Variants in TNFRSF11A observed in about 807,000 individuals in gnomAD.
TNFRSF11A encodes the protein tumor necrosis factor receptor superfamily member 11A.
TNFRSF11A carries 32 observed loss-of-function variants against 55.7 expected under a neutral mutation model. That is an observed-to-expected ratio of 0.57 (90% CI 0.43 to 0.77). The LOEUF (loss-of-function observed/expected upper bound fraction) is 0.77. Among genes scored for constraint, TNFRSF11A ranks in the 30% least tolerant of loss-of-function variants. The pLI is 0.00. For missense variants in TNFRSF11A, 753 were observed against 809.8 expected (o/e 0.93, Z 0.85); for synonymous variants, 311 against 331.0 (o/e 0.94, Z 0.65).
chr18:62,356,877 C>A (rs760270483), intron 4 of TNFRSF11A, among the ~76,000 whole-genome samples: 16 of 152,292 alleles, frequency 1.1e-4, no homozygotes, highest in Admixed American at 2.0e-4. Context: ...TCTGGCAGGT[C>A]AGTGTTACTA....
intron 1 of TNFRSF11A, among the ~76,000 whole-genome samples, chr18:62,347,505 C>T (rs898535185): frequency 3.3e-5 from 5 of 152,200 alleles, no homozygotes; most frequent in African/African-American, 4.8e-5. Context: ...GCTGAGGAAG[C>T]TTAAACAGCT....
Position 62,325,827 on chromosome 18 carries a change from T to C in TNFRSF11A, c.75+400T>C, listed in dbSNP as rs900725365. Among the ~76,000 whole-genome samples, 15 of 152,188 alleles carry C rather than the reference T, an allele frequency of 9.9e-5. No homozygotes were observed. The highest frequency in any genetic ancestry group is 2.1e-4 in the Non-Finnish European group (14 of 68,018). On this transcript the variant is annotated intron_variant, in intron 1 of 9. Coordinates refer to ENST00000586569, the MANE Select transcript of TNFRSF11A (RefSeq NM_003839.4). The surrounding 1 kb of genome is among the most constrained non-coding windows in gnomAD (Gnocchi z 4.7). ...CGGCAGATAACCGTTCCCGATACGA[T>C]TTCTCCCGGGTGGCCTCCGTCCCAA... is the stretch of plus-strand genomic sequence containing the variant.
chr18:62,368,685 G>C lies in TNFRSF11A; in HGVS notation c.784-16G>C, dbSNP rs555319249. On this transcript the variant is annotated splice_polypyrimidine_tract_variant and intron_variant, in intron 8 of 9. Coordinates refer to ENST00000586569, the MANE Select transcript of TNFRSF11A (RefSeq NM_003839.4). The stretch of plus-strand genomic sequence containing the variant: ...CTAGGTATTAATGCCTCTGCCTTCT[G>C]AATGTAAATCGGCAGGAGTCCTCAG... 147 of 1,614,174 alleles carry C rather than the reference G, an allele frequency of 9.1e-5. 3 individuals carry two copies. The South Asian group carries it at 1.6e-3, about 17-fold the overall frequency.
At chr18:62,366,879 C>T (rs1291139531) in intron 8 of TNFRSF11A, 119 bp downstream of exon 8, 13 of 1,044,346 alleles carry the variant, frequency 1.2e-5, no homozygotes, top group Admixed American at 7.3e-5. Context: ...GACGGAGTCT[C>T]GCTCTGTGCC....
chr18:62,370,314 C>A (rs1261828802), intron 9 of TNFRSF11A, among the ~76,000 whole-genome samples: 9 of 152,198 alleles, frequency 5.9e-5, no homozygotes, highest in Non-Finnish European at 1.3e-4. Context: ...CTTTGAGAAT[C>A]TTCCGAAAGC....
At chr18:62,384,718 C>T in intron 9 of TNFRSF11A, 33 bp from the exon 10 acceptor site, 2 of 1,606,788 alleles carry the variant, frequency 1.2e-6, no homozygotes, top group East Asian at 4.5e-5. Flanking sequence ...CGCTGACTCA[C>T]CCTCCCCGTG....
In TNFRSF11A at chr18:62,389,801, C is replaced by T. The variant is rs747706698; in HGVS notation, c.*4767C>T. ...AATTACAGGCCTGTTACCAGATCTT[C>T]GTACTAACCAAGGAGCTGGTGACAC... is the stretch of plus-strand genomic sequence containing the variant. On this transcript the variant is annotated 3_prime_UTR_variant, in exon 10 of 10. Transcript: ENST00000586569. The T allele has an allele frequency of 1.3e-5, 2 of 152,210 alleles. No individual in the cohort carries two copies. Among genetic ancestry groups the T allele is most frequent in the Non-Finnish European group, 2.9e-5 (2 of 68,048 alleles). The allele number at this position is 152,210 out of a possible 1,614,324, so 9.4% of individuals were successfully genotyped here. A position where few individuals can be genotyped will look rare whatever the true frequency, so the allele number is the denominator to read the frequency against.
Position 62,387,073 on chromosome 18 carries a change from A to G in TNFRSF11A, c.*2039A>G, listed in dbSNP as rs1911784289. ...TGCTTTTATTTTTTCCTTCTATAAAAAGGCAATAATGATAATTTATAATAG... is the reference window on the plus strand; with the variant it reads ...TGCTTTTATTTTTTCCTTCTATAAAGAGGCAATAATGATAATTTATAATAG... On this transcript the variant is annotated 3_prime_UTR_variant, in exon 10 of 10. Coordinates refer to ENST00000586569, the MANE Select transcript of TNFRSF11A (RefSeq NM_003839.4). The G allele has an allele frequency of 2.6e-5, 4 of 152,218 alleles. No homozygotes were observed. Among genetic ancestry groups the G allele is most frequent in the Admixed American group, 2.6e-4 (4 of 15,282 alleles). The allele number at this position is 152,218 out of a possible 1,614,324, so 9.4% of individuals were successfully genotyped here. A position where few individuals can be genotyped will look rare whatever the true frequency, so the allele number is the denominator to read the frequency against.
rs1015649310 is a variant in TNFRSF11A, at chr18:62,383,324, G to T, written c.1568-1427G>T. On this transcript the variant is annotated intron_variant, in intron 9 of 9. Transcript: ENST00000586569. The surrounding 1 kb of genome is among the most constrained non-coding windows in gnomAD (Gnocchi z 4.2). ...AGGTTACCCAGTGGGTCAGGGGAAG[G>T]CTCCTCAAAGGAATTTCCTACATGC... 3.5e-4 allele frequency among the ~76,000 whole-genome samples: 53 copies of T among 152,188 alleles called. No homozygotes were observed. Among genetic ancestry groups the T allele is most frequent in the African/African-American group, 1.3e-3 (52 of 41,434 alleles).
At chr18:62,329,001 G>T (rs2046113126) in intron 1 of TNFRSF11A, among the ~76,000 whole-genome samples, 1 of 152,202 alleles carries the variant, frequency 6.6e-6, no homozygotes, top group South Asian at 2.1e-4. Context: ...ATGAAAAGGG[G>T]AGTTCCAAAG....
At chr18:62,362,159 C>CCTA (rs1375763039) in intron 7 of TNFRSF11A, among the ~76,000 whole-genome samples, 12 of 151,882 alleles carry the variant, frequency 7.9e-5, no homozygotes, top group African/African-American at 2.9e-4. Flanking sequence ...ATTTAGATGA[C>CCTA]CGGTAGGGGG....
chr18:62,353,722 T>C (rs1014593942), intron 3 of TNFRSF11A, among the ~76,000 whole-genome samples: 3 of 152,104 alleles, frequency 2.0e-5, no homozygotes, highest in African/African-American at 7.2e-5. Flanking sequence ...CGTGTGTGTG[T>C]GTGTGTGTAG....
intron 5 of TNFRSF11A, among the ~76,000 whole-genome samples, chr18:62,359,449 G>A (rs577752263): frequency 4.6e-5 from 7 of 151,952 alleles, no homozygotes; most frequent in East Asian, 1.9e-4. Context: ...GTACAAACAC[G>A]GCTCACTGCA....
intron 9 of TNFRSF11A, among the ~76,000 whole-genome samples, chr18:62,374,700 T>C (rs1379902380): frequency 6.6e-6 from 1 of 152,204 alleles, no homozygotes; most frequent in Admixed American, 6.5e-5. Context: ...AAGTTTGTTC[T>C]TTCTGCCTGA....
At chr18:62,330,524 C>T (rs2046136749) in intron 1 of TNFRSF11A, among the ~76,000 whole-genome samples, 1 of 152,152 alleles carries the variant, frequency 6.6e-6, no homozygotes, top group African/African-American at 2.4e-5. Context: ...CACTCAAAGG[C>T]TTTAGGTACA....
chr18:62,343,738 G>A (rs952065877), intron 1 of TNFRSF11A, among the ~76,000 whole-genome samples: 6 of 152,156 alleles, frequency 3.9e-5, no homozygotes, highest in Non-Finnish European at 7.3e-5. Flanking sequence ...ACAAGAAAGC[G>A]AAGCAAGAGA....
chr18:62,375,313 CAA>C (rs1239633649), intron 9 of TNFRSF11A, among the ~76,000 whole-genome samples: 1 of 152,072 alleles, frequency 6.6e-6, no homozygotes, highest in Non-Finnish European at 1.5e-5. Flanking sequence ...CTCAAAGAAA[CAA>C]AAACAAATGT....
intron 1 of TNFRSF11A, among the ~76,000 whole-genome samples, chr18:62,327,702 A>T (rs1156640664): frequency 6.6e-6 from 1 of 152,248 alleles, no homozygotes; most frequent in Non-Finnish European, 1.5e-5. Flanking sequence ...TTTGCAAAAT[A>T]GTTGGCATAA....
intron 2 of TNFRSF11A, 53 bp downstream of exon 2, chr18:62,348,302 T>C: frequency 1.3e-6 from 2 of 1,515,254 alleles, no homozygotes; most frequent in Non-Finnish European, 1.8e-6. Context: ...GGGTGAGGCT[T>C]TCATTATTTT....
Sources: allele counts gnomAD v4.1 joint callset (sites outside exome capture counted in the v4.1 genomes callset), GRCh38; gene constraint gnomAD v4.1.1; non-coding constraint Gnocchi (gnomAD v3.1); transcripts MANE v1.5; gene names NCBI Gene and HGNC (gene_info 2026-07-23, HGNC 2026-07-21).